Variants in BICDL1 observed in about 807,000 individuals in gnomAD.
The protein encoded by BICDL1 is BICD family-like cargo adapter 1.
BICDL1 carries 20 observed loss-of-function variants against 76.8 expected under a neutral mutation model. The ratio of observed to expected loss-of-function variants is 0.26; its 90% CI spans 0.18 to 0.38. The LOEUF (loss-of-function observed/expected upper bound fraction) is 0.38. Among genes scored for constraint, BICDL1 ranks in the 10% least tolerant of loss-of-function variants. The pLI, the probability that BICDL1 is intolerant of heterozygous loss-of-function variation, is 1.00. For missense variants in BICDL1, 700 were observed against 798.6 expected (o/e 0.88, Z 1.49); for synonymous variants, 383 against 337.1 (o/e 1.14, Z -1.49).
chr12:120,044,370 C>T (rs1030083349), intron 2 of BICDL1, among the ~76,000 whole-genome samples: 8 of 152,120 alleles, frequency 5.3e-5, no homozygotes, highest in African/African-American at 1.4e-4. Flanking sequence ...TAGGATTAGA[C>T]GTGACTGCTC....
At position 120,072,779 on chromosome 12, in the gene BICDL1, G is replaced by A. The variant is rs990020306; in HGVS notation, c.1308+50G>A. 3 of 1,549,082 alleles carry A rather than the reference G, an allele frequency of 1.9e-6. No individual in the cohort carries two copies. In the African/African-American group the frequency reaches 4.1e-5, roughly 21 times the overall value. ...CTTACCCCACAGGAGCTGGCTGGTGGGAGGTTAGAACCCAGTGCATAGGGT... is the reference window on the plus strand; with the variant it reads ...CTTACCCCACAGGAGCTGGCTGGTGAGAGGTTAGAACCCAGTGCATAGGGT... On this transcript the variant is annotated intron_variant, in intron 6 of 9. Transcript: ENST00000548673.
In BICDL1 at chr12:120,023,009, T is replaced by G. The variant is rs115195700; in HGVS notation, c.645+24273T>G. ...AAACTATTCAGGACTGGGGATTTGATGGAATGGGTCCCATGTTCAGACAGT... is the reference window on the plus strand; with the variant it reads ...AAACTATTCAGGACTGGGGATTTGAGGGAATGGGTCCCATGTTCAGACAGT... On this transcript the variant is annotated intron_variant, in intron 2 of 9. Transcript: ENST00000548673. 1.4e-3 allele frequency among the ~76,000 whole-genome samples: 220 copies of G among 152,292 alleles called. 1 individual carries two copies. Among genetic ancestry groups the G allele is most frequent in the African/African-American group, 5.0e-3 (206 of 41,568 alleles).
Position 120,090,022 on chromosome 12 carries a change from A to G in BICDL1, c.1655A>G (p.Asp552Gly). The change falls in exon 9 of 10, where the codon GAT (aspartate) becomes GGT (glycine). Residue 552 changes from aspartate (D) to glycine (G), a missense_variant. By Grantham distance (94) the Asp-to-Gly change is moderately conservative. This residue lies in a region of BICDL1 where 455 missense variants were observed against 548.7 expected (regional missense o/e 0.83). Transcript: ENST00000548673. ...ATGTCTCTGAACAGCCAGTTGCTGG[A>G]TGCCATTCAGCAGAAACTGAACCTC... ...DMMSLNSQLLDAIQQKLNLSQ... is the reference protein window; with the variant it reads ...DMMSLNSQLLGAIQQKLNLSQ... 1 of 1,614,198 alleles carries G rather than the reference A, an allele frequency of 6.2e-7. No individual in the cohort carries two copies. The highest frequency in any genetic ancestry group is 8.5e-7 in the Non-Finnish European group (1 of 1,180,022).
rs528788390 is a variant in BICDL1 at position 120,072,564 on chromosome 12, C to G, written c.1143C>G (p.His381Gln). The G allele has an allele frequency of 8.7e-6, 14 of 1,614,204 alleles. No homozygotes were observed. In the East Asian group the frequency reaches 2.7e-4, roughly 31 times the overall value. Reference protein sequence around the residue: ...AYCQVRYLCSHLRGNDSADSA... With the variant: ...AYCQVRYLCSQLRGNDSADSA... ...GCCAGGTTCGCTATCTGTGCTCACA[C>G]CTTCGAGGCAATGACAGTGCTGACT... is the stretch of plus-strand genomic sequence containing the variant. Residue 381 changes from histidine (H) to glutamine (Q), a missense_variant, in exon 6 of 10, where the codon CAC (histidine) becomes CAG (glutamine). Coordinates refer to ENST00000548673, the MANE Select transcript of BICDL1 (RefSeq NM_001367886.1).
At chr12:119,991,918 A>T (rs1951532478) in intron 1 of BICDL1, among the ~76,000 whole-genome samples, 1 of 152,210 alleles carries the variant, frequency 6.6e-6, no homozygotes. Flanking sequence ...ACATTTTGTT[A>T]TTTACTTAAT....
At chr12:120,004,247 C>T (rs565262267) in intron 2 of BICDL1, among the ~76,000 whole-genome samples, 2 of 152,114 alleles carry the variant, frequency 1.3e-5, no homozygotes, top group African/African-American at 4.8e-5. Flanking sequence ...ATCCCTTTCC[C>T]CTCATCACAG....
chr12:120,045,879 C>T (rs963097475), intron 2 of BICDL1, among the ~76,000 whole-genome samples: 3 of 150,632 alleles, frequency 2.0e-5, no homozygotes, highest in African/African-American at 7.4e-5. Context: ...TGTAACTAAC[C>T]TGCACATTGT....
intron 2 of BICDL1, among the ~76,000 whole-genome samples, chr12:120,015,115 T>G (rs992314303): frequency 2.0e-5 from 3 of 152,090 alleles, no homozygotes; most frequent in Non-Finnish European, 2.9e-5. Flanking sequence ...GACCAGAGAA[T>G]TCAAGAGTCT....
At chr12:120,002,782 A>T (rs1305961084) in intron 2 of BICDL1, among the ~76,000 whole-genome samples, 1 of 152,180 alleles carries the variant, frequency 6.6e-6, no homozygotes, top group African/African-American at 2.4e-5. Context: ...AATCCACAAG[A>T]TACAGATTGC....
Position 120,071,338 on chromosome 12 carries a change from C to CTCTACTAAACCTGTTCTCTACTAA in BICDL1, c.910-284_910-283insTCTACTAAACCTGTTCTCTACTAA, listed in dbSNP as rs1873089064. ...TGTATTTTTAGTAGAGGCAGGGTTT[C>CTCTACTAAACCTGTTCTCTACTAA]ATCATGTTGGCCAGGCTGGTCTCAT... On this transcript the variant is annotated intron_variant, in intron 4 of 9. Transcript: ENST00000548673. The surrounding 1 kb of genome is among the most constrained non-coding windows in gnomAD (Gnocchi z 4.8). Among the ~76,000 whole-genome samples the CTCTACTAAACCTGTTCTCTACTAA allele has an allele frequency of 6.6e-6, 1 of 151,874 alleles. No homozygotes were observed. Among genetic ancestry groups the CTCTACTAAACCTGTTCTCTACTAA allele is most frequent in the Non-Finnish European group, 1.5e-5 (1 of 67,970 alleles).
intron 9 of BICDL1, chr12:120,091,330 C>CA (rs1420311605): frequency 7.4e-5 from 76 of 1,021,116 alleles, no homozygotes; most frequent in Non-Finnish European, 8.8e-5. Flanking sequence ...GCGACCTGGA[C>CA]AGACCTGATT....
Position 120,039,730 on chromosome 12 carries a change from A to G in BICDL1, c.646-21980A>G, listed in dbSNP as rs751755422. Among the ~76,000 whole-genome samples the G allele has an allele frequency of 1.6e-4, 25 of 151,846 alleles. 1 individual carries two copies. The highest frequency in any genetic ancestry group is 1.0e-4 in the Non-Finnish European group (7 of 67,968). On this transcript the variant is annotated intron_variant, in intron 2 of 9. Transcript: ENST00000548673. ...CTTAGATTATCAAACTGTAGGTATT[A>G]TAACGATAAGGAATGGACAGATTCT... is the stretch of plus-strand genomic sequence containing the variant.
At position 120,072,667 on chromosome 12, in the gene BICDL1, C is replaced by T. The variant is rs201940570; in HGVS notation, c.1246C>T (p.Arg416Cys). Residue 416 changes from arginine (R) to cysteine (C), a missense_variant, in exon 6 of 10, where the codon CGC (arginine) becomes TGC (cysteine). Physicochemically the swap from Arg to Cys is radical, Grantham distance 180 (BLOSUM62 -3). Transcript: ENST00000548673. ...CAAGGATGTGCCAGCCGGCAGCTTG[C>T]GCACTGCCCTCAATGAGCTCAAGAG... is the stretch of plus-strand genomic sequence containing the variant. ...SAKDVPAGSL[R>C]TALNELKRLI... The T allele has an allele frequency of 3.4e-5, 55 of 1,613,946 alleles. No individual in the cohort carries two copies. Among genetic ancestry groups the T allele is most frequent in the African/African-American group, 5.3e-5 (4 of 74,926 alleles).
intron 7 of BICDL1, 47 bp downstream of exon 7, chr12:120,074,633 C>G: frequency 9.6e-7 from 1 of 1,043,448 alleles, no homozygotes; most frequent in African/African-American, 1.7e-5. Flanking sequence ...TGCACCTGCC[C>G]CTGGCTCTCT....
intron 1 of BICDL1, among the ~76,000 whole-genome samples, chr12:119,997,210 T>G (rs2138602137): frequency 6.6e-6 from 1 of 152,310 alleles, no homozygotes; most frequent in East Asian, 1.9e-4. Context: ...CCTCCCAAAG[T>G]GCTGGGATTA....
In BICDL1 at chr12:120,089,943, G is replaced by C. The variant is rs914119524; in HGVS notation, c.1584-8G>C. On this transcript the variant is annotated splice_polypyrimidine_tract_variant and splice_region_variant and intron_variant, in intron 8 of 9. Transcript: ENST00000548673. ...TGTCCATGTTCACCCTGGCTTGTCTGTTCTCAGGAAGAATGCTGTGGAGCT... is the reference window on the plus strand; with the variant it reads ...TGTCCATGTTCACCCTGGCTTGTCTCTTCTCAGGAAGAATGCTGTGGAGCT... 2 of 1,613,914 alleles carry C rather than the reference G, an allele frequency of 1.2e-6. No homozygotes were observed. Among genetic ancestry groups the C allele is most frequent in the African/African-American group, 2.7e-5 (2 of 75,052 alleles).
chr12:120,052,251 C>G (rs1952877132), intron 2 of BICDL1, among the ~76,000 whole-genome samples: 1 of 148,708 alleles, frequency 6.7e-6, no homozygotes. Flanking sequence ...CCTCCCCGCC[C>G]CTCCCCTCCC....
At chr12:120,057,116 G>C (rs1952991274) in intron 2 of BICDL1, 1 of 521,976 alleles carries the variant, frequency 1.9e-6, no homozygotes, top group Admixed American at 1.9e-5. Flanking sequence ...TGTATATTTA[G>C]AGGACATTAT....
At chr12:120,003,843 C>G (rs1951804852) in intron 2 of BICDL1, among the ~76,000 whole-genome samples, 1 of 152,172 alleles carries the variant, frequency 6.6e-6, no homozygotes, top group South Asian at 2.1e-4. Context: ...GGAAATGAGC[C>G]TTTTAGCTTT....
Sources: gnomAD v4.1 joint callset for allele counts (sites outside exome capture counted in the v4.1 genomes callset) on GRCh38, gnomAD v4.1.1 for gene constraint, gnomAD v4.1.1 regional missense constraint, Gnocchi (gnomAD v3.1) non-coding constraint, MANE v1.5 for transcripts, NCBI Gene and HGNC (gene_info 2026-07-23, HGNC 2026-07-21) for gene names.